Variants in DAB1 observed in about 807,000 individuals in gnomAD.
DAB1 encodes the protein disabled homolog 1.
DAB1 carries 15 observed loss-of-function variants against 64.6 expected under a neutral mutation model. That is an observed-to-expected ratio of 0.23 (90% CI 0.16 to 0.36). The LOEUF (loss-of-function observed/expected upper bound fraction) is 0.36, where lower values mean the gene tolerates loss of function less well. DAB1 is among the 10% of genes least tolerant of loss of function. The probability of loss-of-function intolerance (pLI) is 1.00; values close to 1 mark genes in which losing one functional copy is unlikely to be tolerated. For missense variants in DAB1, 596 were observed against 706.7 expected, an observed-to-expected ratio of 0.84 and a Z score of 1.78; for synonymous variants, 235 against 251.9, an observed-to-expected ratio of 0.93 and a Z score of 0.64.
chr1:57,808,763 A>G (rs1385089375), intron 6 of DAB1, among the ~76,000 whole-genome samples: 1 of 152,230 alleles, frequency 6.6e-6, no homozygotes, highest in African/African-American at 2.4e-5. Flanking sequence ...CACATGCGTT[A>G]TCTCATTTGA....
chr1:58,440,604 T>C (rs1644997105), intron 3 of DAB1, among the ~76,000 whole-genome samples: 1 of 152,216 alleles, frequency 6.6e-6, no homozygotes, highest in Non-Finnish European at 1.5e-5. Context: ...ATGGTAGTAA[T>C]AGTATGTACA....
chr1:57,335,644 T>C (rs1677020707), intron 1 of DAB1, among the ~76,000 whole-genome samples: 1 of 152,218 alleles, frequency 6.6e-6, no homozygotes, highest in Non-Finnish European at 1.5e-5. Flanking sequence ...ATTTAGTGCA[T>C]AATTCCTTGA....
At chr1:57,332,502 T>C (rs1256094840) in intron 1 of DAB1, among the ~76,000 whole-genome samples, 2 of 152,168 alleles carry the variant, frequency 1.3e-5, no homozygotes, top group Non-Finnish European at 2.9e-5. Flanking sequence ...TATGGAATAT[T>C]TACTCTTATT....
intron 5 of DAB1, among the ~76,000 whole-genome samples, chr1:58,064,475 G>A (rs969320304): frequency 6.6e-6 from 1 of 152,088 alleles, no homozygotes; most frequent in Non-Finnish European, 1.5e-5. Flanking sequence ...TGGGTTAGGC[G>A]CTGTGGAGTG....
At chr1:57,019,431 G>A (rs946606271) in intron 11 of DAB1, among the ~76,000 whole-genome samples, 1 of 152,064 alleles carries the variant, frequency 6.6e-6, no homozygotes, top group African/African-American at 2.4e-5. Context: ...ATGTCTCTCT[G>A]GCTTCATGCC....
intron 6 of DAB1, among the ~76,000 whole-genome samples, chr1:57,812,319 C>CAAAAAAAAAAAAAAAAA (rs67005172): frequency 4.9e-5 from 5 of 101,196 alleles, no homozygotes; most frequent in South Asian, 3.3e-4. Flanking sequence ...GATTCATTGC[C>CAAAAAAAAAAAAAAAAA]AAAAAAAAAA....
chr1:58,405,040 T>C (rs1021728007), intron 3 of DAB1, among the ~76,000 whole-genome samples: 5 of 152,082 alleles, frequency 3.3e-5, no homozygotes, highest in African/African-American at 9.7e-5. Context: ...ACACACACCA[T>C]CACATTTAAC....
At chr1:57,962,571 T>C (rs995219789) in intron 5 of DAB1, among the ~76,000 whole-genome samples, 8 of 152,130 alleles carry the variant, frequency 5.3e-5, no homozygotes, top group African/African-American at 1.9e-4. Context: ...GAATAATACA[T>C]TTACGAATCC....
At chr1:57,301,833 G>A (rs1673687500) in intron 1 of DAB1, among the ~76,000 whole-genome samples, 1 of 152,086 alleles carries the variant, frequency 6.6e-6, no homozygotes, top group South Asian at 2.1e-4. Flanking sequence ...GACTGTCTGG[G>A]TCCCAGTGAC....
intron 7 of DAB1, among the ~76,000 whole-genome samples, chr1:57,512,863 AG>A (rs1644421184): frequency 6.6e-6 from 1 of 152,180 alleles, no homozygotes; most frequent in Admixed American, 6.5e-5. Flanking sequence ...AGGAGCCCAC[AG>A]GCTCCTGCCT....
intron 1 of DAB1, among the ~76,000 whole-genome samples, chr1:57,336,171 A>C (rs1677063326): frequency 6.6e-6 from 1 of 152,178 alleles, no homozygotes; most frequent in South Asian, 2.1e-4. Flanking sequence ...CATTTTTCGC[A>C]TTAACTTCAA....
intron 5 of DAB1, among the ~76,000 whole-genome samples, chr1:58,021,689 T>C (rs1230792401): frequency 6.6e-6 from 1 of 152,182 alleles, no homozygotes; most frequent in Non-Finnish European, 1.5e-5. Flanking sequence ...GCAGCTTGCA[T>C]TGTCAGAGCA....
chr1:58,244,200 C>T (rs922639859), intron 4 of DAB1, among the ~76,000 whole-genome samples: 4 of 152,070 alleles, frequency 2.6e-5, no homozygotes, highest in Non-Finnish European at 5.9e-5. Context: ...ATGAAAAGTG[C>T]CCATAAGTAT....
intron 6 of DAB1, among the ~76,000 whole-genome samples, chr1:57,675,637 T>C (rs776777466): frequency 1.6e-4 from 25 of 152,252 alleles, no homozygotes; most frequent in Non-Finnish European, 3.1e-4. Flanking sequence ...GGAGTTATTA[T>C]GCTTTTGTAT....
At chr1:57,937,096 G>A (rs754633377) in intron 5 of DAB1, among the ~76,000 whole-genome samples, 16 of 151,940 alleles carry the variant, frequency 1.1e-4, no homozygotes, top group Non-Finnish European at 2.1e-4. Flanking sequence ...GCCTTGTCTT[G>A]TTTATCTCTG....
intron 5 of DAB1, among the ~76,000 whole-genome samples, chr1:58,111,292 G>T (rs1489704755): frequency 6.6e-6 from 1 of 152,154 alleles, no homozygotes; most frequent in Admixed American, 6.5e-5. Context: ...TAAGAATGTT[G>T]TTCTAGATCA....
At chr1:58,417,046 G>A (rs551324553) in intron 3 of DAB1, among the ~76,000 whole-genome samples, 1 of 152,250 alleles carries the variant, frequency 6.6e-6, no homozygotes, top group Non-Finnish European at 1.5e-5. Context: ...CTTTTTTAAT[G>A]TGGCTACTAG....
rs111862739 is a variant in DAB1, at chr1:57,068,164, C to T, written c.663+1196G>A. On this transcript the variant is annotated intron_variant, in intron 8 of 14. Transcript: ENST00000371236. ...AAAGCTTCCTTTTATTTAAAAGGGG[C>T]CCTCTCTTCTTAGGATGATTGGTTA... Among the ~76,000 whole-genome samples the T allele has an allele frequency of 4.2e-3, 645 of 151,942 alleles. 3 individuals are homozygous for T. The highest frequency in any genetic ancestry group is 0.014 in the Middle Eastern group (4 of 294).
chr1:57,089,038 C>A (rs2100652468), intron 4 of DAB1, among the ~76,000 whole-genome samples: 1 of 152,352 alleles, frequency 6.6e-6, no homozygotes. Context: ...TACACCTGGG[C>A]TAAACACCTA....
Sources: allele counts gnomAD v4.1 joint callset (sites outside exome capture counted in the v4.1 genomes callset), GRCh38; gene constraint gnomAD v4.1.1; transcripts MANE v1.5; gene names NCBI Gene and HGNC (gene_info 2026-07-23, HGNC 2026-07-21).